The following CNTNAP4 variants were observed in gnomAD, a reference collection of about 807,000 sequenced individuals.
CNTNAP4 encodes contactin-associated protein-like 4.
In CNTNAP4, 98 loss-of-function variants were observed where a neutral mutation model predicts 148.4. The ratio of observed to expected loss-of-function variants is 0.66; its 90% CI spans 0.56 to 0.78. The LOEUF (loss-of-function observed/expected upper bound fraction) is 0.78, where lower values mean the gene tolerates loss of function less well. Ranked by LOEUF, CNTNAP4 falls within the 30% of genes least tolerant of loss-of-function variation. CNTNAP4 has a pLI of 0.00. For synonymous variants in CNTNAP4, 730 were observed against 565.1 expected (o/e 1.29, Z -4.14); for missense variants, 1,935 against 1,565.6 (o/e 1.24, Z -3.98).
chr16:76,401,588 A>G (rs1166623869), intron 3 of CNTNAP4, among the ~76,000 whole-genome samples: 1 of 152,056 alleles, frequency 6.6e-6, no homozygotes, highest in Non-Finnish European at 1.5e-5. Context: ...ATGTTGAACG[A>G]GAGTGGTGAG....
At chr16:76,333,113 A>T (rs570001090) in intron 2 of CNTNAP4, among the ~76,000 whole-genome samples, 2 of 152,334 alleles carry the variant, frequency 1.3e-5, no homozygotes, top group African/African-American at 4.8e-5. Context: ...TATGAGGGTT[A>T]CATCTGTGCT....
intron 2 of CNTNAP4, among the ~76,000 whole-genome samples, chr16:76,322,575 T>G (rs1486690374): frequency 1.3e-5 from 2 of 152,170 alleles, no homozygotes; most frequent in African/African-American, 4.8e-5. Flanking sequence ...CAAACTTTAA[T>G]TTCCTACGGG....
At chr16:76,497,835 A>C (rs928170002) in intron 14 of CNTNAP4, among the ~76,000 whole-genome samples, 3 of 152,190 alleles carry the variant, frequency 2.0e-5, no homozygotes, top group Non-Finnish European at 4.4e-5. Context: ...TAGAACTTAA[A>C]GTATAATAAA....
chr16:76,302,245 T>C (rs748635398), intron 1 of CNTNAP4, among the ~76,000 whole-genome samples: 1 of 152,096 alleles, frequency 6.6e-6, no homozygotes, highest in South Asian at 2.1e-4. Flanking sequence ...GGCAAGTAGA[T>C]CTGACAAAAT....
intron 15 of CNTNAP4, among the ~76,000 whole-genome samples, chr16:76,503,880 A>T (rs2082742306): frequency 6.6e-6 from 1 of 152,172 alleles, no homozygotes. Flanking sequence ...TGATATTTTA[A>T]AAGTACCATT....
At chr16:76,423,571 T>C (rs1363627609) in intron 3 of CNTNAP4, among the ~76,000 whole-genome samples, 3 of 152,220 alleles carry the variant, frequency 2.0e-5, no homozygotes, top group African/African-American at 4.8e-5. Flanking sequence ...CAATTCTTCA[T>C]AGCAAATTGA....
intron 3 of CNTNAP4, among the ~76,000 whole-genome samples, chr16:76,419,328 G>T (rs892252112): frequency 5.9e-5 from 9 of 151,972 alleles, no homozygotes; most frequent in Non-Finnish European, 1.3e-4. Flanking sequence ...TTTTCTTCAG[G>T]AGAATAGCCC....
intron 18 of CNTNAP4, among the ~76,000 whole-genome samples, chr16:76,536,117 G>C (rs1315330257): frequency 6.6e-6 from 1 of 152,038 alleles, no homozygotes; most frequent in African/African-American, 2.4e-5. Flanking sequence ...TAGTGTTGAT[G>C]CTCTTAAATA....
At chr16:76,424,467 A>G (rs149227948) in intron 3 of CNTNAP4, among the ~76,000 whole-genome samples, 6 of 152,288 alleles carry the variant, frequency 3.9e-5, no homozygotes, top group African/African-American at 1.4e-4. Flanking sequence ...AGACATAAGC[A>G]TACAGGCTGG....
chr16:76,536,321 G>T (rs566948374), intron 18 of CNTNAP4, among the ~76,000 whole-genome samples: 4 of 151,906 alleles, frequency 2.6e-5, no homozygotes, highest in Admixed American at 6.6e-5. Context: ...TCCGCCTCCC[G>T]AGTAGCTGGG....
chr16:76,485,600 C>G (rs1004534203), intron 12 of CNTNAP4, among the ~76,000 whole-genome samples: 15 of 152,110 alleles, frequency 9.9e-5, no homozygotes, highest in Admixed American at 7.2e-4. Flanking sequence ...GGTCCCATTA[C>G]TGAGACTCCT....
intron 1 of CNTNAP4, among the ~76,000 whole-genome samples, chr16:76,312,314 G>C (rs1008193227): frequency 6.6e-6 from 1 of 152,170 alleles, no homozygotes; most frequent in Non-Finnish European, 1.5e-5. Flanking sequence ...GAAGTGGGGA[G>C]CAGTAGGGTG....
intron 3 of CNTNAP4, among the ~76,000 whole-genome samples, chr16:76,421,537 C>CT (rs1220757111): frequency 6.6e-6 from 1 of 152,004 alleles, no homozygotes; most frequent in East Asian, 1.9e-4. Flanking sequence ...TTCAGTAGTT[C>CT]TTATTTCTGT....
At chr16:76,446,441 TTA>T (rs1491315653) in intron 4 of CNTNAP4, among the ~76,000 whole-genome samples, 16 of 152,174 alleles carry the variant, frequency 1.1e-4, no homozygotes, top group African/African-American at 3.6e-4. Flanking sequence ...TTTCCAAGTG[TTA>T]TGAGTTCTTT....
At chr16:76,374,213 C>G (rs2015174578) in intron 3 of CNTNAP4, among the ~76,000 whole-genome samples, 1 of 152,096 alleles carries the variant, frequency 6.6e-6, no homozygotes, top group Admixed American at 6.5e-5. Flanking sequence ...AAAAGACATC[C>G]TCAGGGGGCA....
Position 76,559,938 on chromosome 16 carries a change from A to G in CNTNAP4, c.*1255A>G, listed in dbSNP as rs1024431245. 6.6e-6 allele frequency among the ~76,000 whole-genome samples: 1 copy of G among 152,206 alleles called. No individual in the cohort carries two copies. The highest frequency in any genetic ancestry group is 2.4e-5 in the African/African-American group (1 of 41,458). ...CTACTGTGAATTTGTCATTCCAGAC[A>G]CTTCTCGTCTGAAACGATGGGGTGA... is the stretch of plus-strand genomic sequence containing the variant. On this transcript the variant is annotated 3_prime_UTR_variant, in exon 24 of 24. Transcript: ENST00000611870.
intron 3 of CNTNAP4, among the ~76,000 whole-genome samples, chr16:76,388,155 G>A (rs1235012678): frequency 6.6e-6 from 1 of 152,130 alleles, no homozygotes; most frequent in Non-Finnish European, 1.5e-5. Context: ...TGTGGATTTA[G>A]CCAGATCAGC....
At chr16:76,548,486 C>T (rs374935428) in intron 21 of CNTNAP4, among the ~76,000 whole-genome samples, 2 of 151,630 alleles carry the variant, frequency 1.3e-5, no homozygotes, top group African/African-American at 4.8e-5. Flanking sequence ...CATGTATTGT[C>T]GTATCTTTCA....
intron 8 of CNTNAP4, among the ~76,000 whole-genome samples, chr16:76,460,071 ACTTTTTATTTGTTT>A (rs1490011494): frequency 3.3e-5 from 5 of 152,146 alleles, no homozygotes; most frequent in East Asian, 1.9e-4. Flanking sequence ...TATTAAAAAA[ACTTTTTATTTGTTT>A]CTTTTTATTT....
Sources: allele counts gnomAD v4.1 joint callset (sites outside exome capture counted in the v4.1 genomes callset), GRCh38; gene constraint gnomAD v4.1.1; transcripts MANE v1.5; gene names NCBI Gene and HGNC (gene_info 2026-07-23, HGNC 2026-07-21).